TRIM49C: variants seen among roughly 807,000 people sequenced by gnomAD.
TRIM49C encodes the protein tripartite motif-containing protein 49C.
TRIM49C carries 6 observed loss-of-function variants against 21.4 expected under a neutral mutation model. That is an observed-to-expected ratio of 0.28 (90% CI 0.15 to 0.55). The LOEUF is 0.55. TRIM49C is among the 20% of genes least tolerant of loss of function. TRIM49C has a pLI of 0.94. For missense variants in TRIM49C, 161 were observed against 442.4 expected, an observed-to-expected ratio of 0.36 and a Z score of 5.71; for synonymous variants, 57 against 148.1, an observed-to-expected ratio of 0.38 and a Z score of 4.47.
At chr11:90,051,900 G>C in the TRIM49C span, 451 of 501,622 alleles carry the variant, frequency 9.0e-4, 76 homozygotes, top group East Asian at 0.017. Flanking sequence ...GCTTCTTCTC[G>C]GCCTCCTCCG....
chr11:90,062,278 T>A, the TRIM49C span, among the ~76,000 whole-genome samples: 20 of 124,122 alleles, frequency 1.6e-4, no homozygotes, highest in East Asian at 4.7e-4. Flanking sequence ...TATCATCAAT[T>A]TTCTGAGAAA....
chr11:90,066,408 A>G, the TRIM49C span, among the ~76,000 whole-genome samples: 4 of 131,254 alleles, frequency 3.0e-5, no homozygotes, highest in South Asian at 2.7e-4. Context: ...AATATGTTCA[A>G]AGATAAAACA....
At chr11:90,061,831 A>G in the TRIM49C span, 1 of 286,814 alleles carries the variant, frequency 3.5e-6, no homozygotes, top group Admixed American at 7.1e-5. Context: ...TTCCTGTTAT[A>G]TCAATTGAAA....
At chr11:90,051,899 C>T in the TRIM49C span, 2 of 498,792 alleles carry the variant, frequency 4.0e-6, no homozygotes, top group South Asian at 2.1e-5. Flanking sequence ...CGCTTCTTCT[C>T]GGCCTCCTCC....
chr11:90,046,747 T>C (rs1449699485), downstream of TRIM49C, among the ~76,000 whole-genome samples: 14 of 125,220 alleles, frequency 1.1e-4, 4 homozygotes, highest in African/African-American at 4.5e-4. Flanking sequence ...TTTTGAAGGT[T>C]TCATTGTGTC....
intron 3 of TRIM49C, 77 bp downstream of exon 3, chr11:90,035,699 G>T: frequency 7.4e-7 from 1 of 1,360,298 alleles, no homozygotes; most frequent in African/African-American, 2.5e-5. Flanking sequence ...TGGAGATTAG[G>T]TAAAGCCAAC....
At chr11:90,065,654 A>G in the TRIM49C span, among the ~76,000 whole-genome samples, 1 of 140,806 alleles carries the variant, frequency 7.1e-6, no homozygotes, top group African/African-American at 2.5e-5. Context: ...AACACAGTTT[A>G]TTCAAAGCAA....
At chr11:90,054,059 C>A in the TRIM49C span, among the ~76,000 whole-genome samples, 24 of 135,710 alleles carry the variant, frequency 1.8e-4, no homozygotes, top group Admixed American at 7.5e-4. Context: ...ATTATGGAAG[C>A]ATTTTAGAAA....
rs755377257 is a variant in TRIM49C at position 90,041,080 on chromosome 11, A to G, written c.889A>G (p.Asn297Asp). The G allele has an allele frequency of 5.0e-6, 8 of 1,592,576 alleles. 1 individual carries two copies. The highest frequency in any genetic ancestry group is 6.0e-6 in the Non-Finnish European group (7 of 1,167,768). ...VHITLHHEEA[N>D]SDIFLYEILR... ...TATTACTCTGCATCATGAAGAAGCC[A>G]ACAGTGATATCTTTCTGTATGAAAT... Residue 297 changes from asparagine (N) to aspartate (D), a missense_variant, in exon 8 of 8, where the codon AAC becomes GAC. Physicochemically the swap from Asn to Asp is conservative, Grantham distance 23 (BLOSUM62 1). Around this residue, in one of 3 missense-constraint regions of TRIM49C, gnomAD observed 80 missense variants for 314.8 expected, o/e 0.25. Transcript: ENST00000448984.
the TRIM49C span, chr11:90,061,872 TC>T: frequency 5.7e-6 from 2 of 349,120 alleles, 1 homozygote; most frequent in Non-Finnish European, 8.8e-6. Flanking sequence ...GAAATCACTA[TC>T]TTTTAACTGG....
chr11:90,043,633 ATG>A (rs1305360024), downstream of TRIM49C, among the ~76,000 whole-genome samples: 1 of 119,892 alleles, frequency 8.3e-6, no homozygotes, highest in Non-Finnish European at 1.7e-5. Flanking sequence ...TTTATTACCA[ATG>A]TGATACACAC....
At chr11:90,051,698 T>TC in the TRIM49C span, 2 of 172,448 alleles carry the variant, frequency 1.2e-5, no homozygotes, top group African/African-American at 6.0e-5. Flanking sequence ...TCGATGTGGC[T>TC]CCCCCAGCCC....
At chr11:90,070,085 C>T in the TRIM49C span, among the ~76,000 whole-genome samples, 6 of 108,434 alleles carry the variant, frequency 5.5e-5, no homozygotes, top group Non-Finnish European at 1.1e-4. Context: ...GTACACTGGA[C>T]TCTACCCATA....
At chr11:90,049,313 C>A in the TRIM49C span, among the ~76,000 whole-genome samples, 2,633 of 86,252 alleles carry the variant, frequency 0.031, 112 homozygotes, top group Middle Eastern at 0.038. Context: ...AAGTCTGCAG[C>A]GGTTTCTGCT....
the TRIM49C span, among the ~76,000 whole-genome samples, chr11:90,048,803 T>C: frequency 1.6e-5 from 2 of 125,922 alleles, 1 homozygote; most frequent in African/African-American, 6.4e-5. Context: ...GTTCCATTGC[T>C]GGTGAGGATC....
the TRIM49C span, among the ~76,000 whole-genome samples, chr11:90,055,997 A>C: frequency 1.1e-5 from 1 of 91,042 alleles, no homozygotes; most frequent in Non-Finnish European, 2.1e-5. Context: ...CCCGCTCTTT[A>C]GCCCAGGCCG....
At chr11:90,063,153 T>C in the TRIM49C span, among the ~76,000 whole-genome samples, 6 of 127,402 alleles carry the variant, frequency 4.7e-5, 2 homozygotes, top group Non-Finnish European at 9.7e-5. Flanking sequence ...AACTGAGACA[T>C]AGTAAATGCA....
At chr11:90,046,654 C>A (rs865917128), downstream of TRIM49C, among the ~76,000 whole-genome samples, 147 of 120,600 alleles carry the variant, frequency 1.2e-3, 1 homozygote, top group Middle Eastern at 8.1e-3. Flanking sequence ...TGATTCTTCT[C>A]TCTTTTCTTC....
the TRIM49C span, among the ~76,000 whole-genome samples, chr11:90,059,872 A>G: frequency 1.4e-5 from 2 of 146,058 alleles, no homozygotes; most frequent in East Asian, 4.1e-4. Context: ...ATCCCTCCTC[A>G]GCCCTTCCTT....
Sources: gnomAD v4.1 joint callset for allele counts (sites outside exome capture counted in the v4.1 genomes callset) on GRCh38, gnomAD v4.1.1 for gene constraint, gnomAD v4.1.1 regional missense constraint, MANE v1.5 for transcripts, NCBI Gene and HGNC (gene_info 2026-07-23, HGNC 2026-07-21) for gene names.